Variants in KCNB2 observed in about 807,000 individuals in gnomAD.
The protein encoded by KCNB2 is potassium voltage-gated channel subfamily B member 2, also known as delayed rectifier potassium channel protein.
In KCNB2, 15 loss-of-function variants were observed where a neutral mutation model predicts 61.5. The observed-to-expected ratio is 0.24, with a 90% confidence interval of 0.16 to 0.38. The LOEUF (loss-of-function observed/expected upper bound fraction) is 0.38. Among genes scored for constraint, KCNB2 ranks in the 10% least tolerant of loss-of-function variants. KCNB2 has a pLI of 1.00. For missense variants in KCNB2, 828 were observed against 1,125.2 expected, an observed-to-expected ratio of 0.74 and a Z score of 3.78; for synonymous variants, 457 against 446.0, an observed-to-expected ratio of 1.02 and a Z score of -0.31.
rs1808951741 is a variant in KCNB2, at chr8:72,791,963, G to C, written c.580-143972G>C. 2.0e-5 allele frequency among the ~76,000 whole-genome samples: 3 copies of C among 152,310 alleles called. 1 individual carries two copies. The South Asian group carries it at 6.2e-4, about 32-fold the overall frequency. On this transcript the variant is annotated intron_variant, in intron 2 of 2. Transcript: ENST00000523207. Reference sequence around the variant, plus strand: ...TTATATGCCAGGCACAATCCTACCAGTGAGTGTACCTACAGTTCAGAGAGA... The same window carrying C: ...TTATATGCCAGGCACAATCCTACCACTGAGTGTACCTACAGTTCAGAGAGA...
intron 2 of KCNB2, among the ~76,000 whole-genome samples, chr8:72,624,758 A>AC (rs1428935680): frequency 1.3e-5 from 2 of 152,162 alleles, no homozygotes; most frequent in African/African-American, 2.4e-5. Context: ...CTTCCTTAAA[A>AC]ACAACAGAGT....
chr8:72,676,238 T>C (rs917086067), intron 2 of KCNB2, among the ~76,000 whole-genome samples: 1 of 152,130 alleles, frequency 6.6e-6, no homozygotes, highest in Non-Finnish European at 1.5e-5. Flanking sequence ...CATGAAGAAC[T>C]TGAAAACAGT....
At chr8:72,910,587 A>G (rs947740167) in intron 2 of KCNB2, among the ~76,000 whole-genome samples, 5 of 152,198 alleles carry the variant, frequency 3.3e-5, no homozygotes, top group African/African-American at 1.2e-4. Flanking sequence ...CTCTACTGGA[A>G]GTGGTCAGTG....
intron 2 of KCNB2, among the ~76,000 whole-genome samples, chr8:72,926,591 A>T (rs949134586): frequency 6.6e-6 from 1 of 152,130 alleles, no homozygotes; most frequent in Admixed American, 6.5e-5. Flanking sequence ...AACATAAATA[A>T]ATATTATTTG....
chr8:72,750,852 T>C (rs1484613000), intron 2 of KCNB2: 1 of 152,162 alleles, frequency 6.6e-6, no homozygotes. Context: ...GACTAACATT[T>C]ATAAAAATCA....
At chr8:72,622,855 G>A (rs188744625) in intron 2 of KCNB2, among the ~76,000 whole-genome samples, 3 of 152,206 alleles carry the variant, frequency 2.0e-5, no homozygotes, top group East Asian at 1.9e-4. Flanking sequence ...AGAAAGTCCC[G>A]TAGTAAAGCT....
At position 72,753,361 on chromosome 8, in the gene KCNB2, C is replaced by T. The variant is rs904986522; in HGVS notation, c.580-182574C>T. On this transcript the variant is annotated intron_variant, in intron 2 of 2. Transcript: ENST00000523207. ...AACATCAGTTTTATAATAGTACAAT[C>T]GAACACATTTTTATTTAGCAACTCT... Among the ~76,000 whole-genome samples, 3 of 152,118 alleles carry T rather than the reference C, an allele frequency of 2.0e-5. No homozygotes were observed. The South Asian group carries it at 6.2e-4, about 31-fold the overall frequency.
chr8:72,874,385 T>C (rs1805670196), intron 2 of KCNB2, among the ~76,000 whole-genome samples: 1 of 152,074 alleles, frequency 6.6e-6, no homozygotes, highest in Non-Finnish European at 1.5e-5. Context: ...TATCAGGGTG[T>C]ATGAGAGAGG....
At chr8:72,739,289 A>T (rs1807903631) in intron 2 of KCNB2, among the ~76,000 whole-genome samples, 1 of 151,830 alleles carries the variant, frequency 6.6e-6, no homozygotes, top group Admixed American at 6.6e-5. Flanking sequence ...AACACCTATT[A>T]TGTGCCACGG....
intron 2 of KCNB2, among the ~76,000 whole-genome samples, chr8:72,843,543 G>A (rs1328523975): frequency 6.6e-6 from 1 of 152,160 alleles, no homozygotes; most frequent in Non-Finnish European, 1.5e-5. Context: ...GGGTGTTAAA[G>A]TCTCCCACTC....
chr8:72,849,935 A>G (rs1810064595), intron 2 of KCNB2, among the ~76,000 whole-genome samples: 1 of 152,114 alleles, frequency 6.6e-6, no homozygotes. Flanking sequence ...TCAGTTATCT[A>G]CAACACCCAC....
intron 2 of KCNB2, among the ~76,000 whole-genome samples, chr8:72,772,415 A>G (rs1563380712): frequency 1.3e-5 from 2 of 152,218 alleles, no homozygotes; most frequent in Non-Finnish European, 2.9e-5. Flanking sequence ...ATTGCTAAAT[A>G]TCCTCTGGCG....
intron 2 of KCNB2, among the ~76,000 whole-genome samples, chr8:72,930,166 A>G (rs1806749036): frequency 6.6e-6 from 1 of 151,850 alleles, no homozygotes; most frequent in Non-Finnish European, 1.5e-5. Context: ...TCCATGGTGT[A>G]TATGTGCCAC....
At chr8:72,732,598 G>A (rs1195476769) in intron 2 of KCNB2, among the ~76,000 whole-genome samples, 2 of 152,184 alleles carry the variant, frequency 1.3e-5, no homozygotes, top group Non-Finnish European at 2.9e-5. Context: ...GTACTTAGAA[G>A]CACCTAGCCA....
intron 2 of KCNB2, among the ~76,000 whole-genome samples, chr8:72,794,421 C>T (rs1023849581): frequency 2.6e-5 from 4 of 151,800 alleles, no homozygotes; most frequent in Admixed American, 6.6e-5. Context: ...AAAAATTAGC[C>T]GGGCGTGGTG....
chr8:72,904,925 A>G (rs904047723), intron 2 of KCNB2, among the ~76,000 whole-genome samples: 4 of 151,722 alleles, frequency 2.6e-5, no homozygotes, highest in Admixed American at 1.3e-4. Context: ...TGTCTTATTC[A>G]CTTTTGTGTT....
chr8:72,547,338 A>C (rs115792247), intron 1 of KCNB2, among the ~76,000 whole-genome samples: 4,957 of 152,260 alleles, frequency 0.033, 115 homozygotes, highest in South Asian at 0.09. Flanking sequence ...TTTGACTTTC[A>C]AGCCTATTAT....
At chr8:72,572,990 G>A (rs349330) in intron 2 of KCNB2, among the ~76,000 whole-genome samples, 19,741 of 152,026 alleles carry the variant, frequency 0.13, 1,437 homozygotes, top group East Asian at 0.27. Flanking sequence ...GGGAGCTGCT[G>A]GTGGCAGATG....
chr8:72,713,390 C>T (rs879469959), intron 2 of KCNB2, among the ~76,000 whole-genome samples: 35 of 152,220 alleles, frequency 2.3e-4, no homozygotes, highest in Non-Finnish European at 2.9e-4. Flanking sequence ...CCCCAAGTAC[C>T]CTAACTGGGA....
Sources: allele counts gnomAD v4.1 joint callset (sites outside exome capture counted in the v4.1 genomes callset), GRCh38; gene constraint gnomAD v4.1.1; transcripts MANE v1.5; gene names NCBI Gene and HGNC (gene_info 2026-07-23, HGNC 2026-07-21).